The following TRPM8 variants were observed in gnomAD, a reference collection of about 807,000 sequenced individuals.
The protein encoded by TRPM8 is TRPM8 cationic channel.
A neutral mutation model predicts 133.7 loss-of-function variants in TRPM8; 110 were observed. The observed-to-expected ratio is 0.82, with a 90% CI of 0.70 to 0.96. The LOEUF (loss-of-function observed/expected upper bound fraction) is 0.96, where lower values mean the gene tolerates loss of function less well. Among genes scored for constraint, TRPM8 ranks in the 40% least tolerant of loss-of-function variants. TRPM8 has a pLI of 0.00. For synonymous variants in TRPM8, 535 were observed against 532.3 expected, an observed-to-expected ratio of 1.01 and a Z score of -0.07; for missense variants, 1,291 against 1,379.5, an observed-to-expected ratio of 0.94 and a Z score of 1.02.
intron 21 of TRPM8, among the ~76,000 whole-genome samples, chr2:233,990,323 A>C (rs1692243747): frequency 6.6e-6 from 1 of 152,240 alleles, no homozygotes; most frequent in Non-Finnish European, 1.5e-5. Flanking sequence ...AAAAGCAAGC[A>C]AGAGAGTTGA....
intron 1 of TRPM8, among the ~76,000 whole-genome samples, chr2:233,918,071 A>G (rs757817830): frequency 5.3e-5 from 8 of 152,122 alleles, no homozygotes; most frequent in Non-Finnish European, 1.2e-4. Context: ...TTTTCAATCC[A>G]TTATTGCCAG....
At position 233,939,156 on chromosome 2, in the gene TRPM8, C is replaced by T. The variant is rs200694610; in HGVS notation, c.507C>T (p.Ile169=). 1.8e-4 allele frequency: 285 copies of T among 1,613,978 alleles called. No homozygotes were observed. Among genetic ancestry groups the T allele is most frequent in the Non-Finnish European group, 2.3e-4 (272 of 1,180,054 alleles). ...PRMRKIFSRL[I]YIAQSKGAWI... ...TGCGCAAGATCTTCAGCCGGCTCAT[C>T]TACATCGCGCAGTCCAAAGGTGAGG... Residue 169 remains isoleucine, a synonymous_variant, in exon 5 of 26, where the codon ATC becomes ATT. Transcript: ENST00000324695.
intron 21 of TRPM8, 48 bp downstream of exon 21, chr2:233,985,913 C>T (rs1692138482): frequency 6.5e-7 from 1 of 1,545,094 alleles, no homozygotes; most frequent in South Asian, 1.2e-5. Flanking sequence ...GGGCCAAGCC[C>T]CATGCCAGGC....
At chr2:233,917,980 G>A (rs73118753) in intron 1 of TRPM8, among the ~76,000 whole-genome samples, 1 of 152,170 alleles carries the variant, frequency 6.6e-6, no homozygotes, top group South Asian at 2.1e-4. Flanking sequence ...GTTGAAACAG[G>A]CTCATCATTT....
At chr2:233,957,508 A>AC (rs1452889084) in intron 11 of TRPM8, among the ~76,000 whole-genome samples, 2 of 151,854 alleles carry the variant, frequency 1.3e-5, no homozygotes, top group African/African-American at 4.8e-5. Flanking sequence ...AAACACACAC[A>AC]AAAAAAACCC....
intron 8 of TRPM8, among the ~76,000 whole-genome samples, chr2:233,949,168 C>G (rs899450857): frequency 6.6e-6 from 1 of 152,230 alleles, no homozygotes; most frequent in South Asian, 2.1e-4. Context: ...GGATCCCGGC[C>G]TGCTCTGTGA....
chr2:233,936,213 A>G (rs997233300), intron 3 of TRPM8, among the ~76,000 whole-genome samples: 4 of 152,322 alleles, frequency 2.6e-5, no homozygotes, highest in African/African-American at 9.6e-5. Context: ...ACTTAAAGGC[A>G]GGAAGGACAT....
At chr2:233,982,938 C>A (rs1463652826) in intron 19 of TRPM8, 115 bp from the exon 20 acceptor site, 5 of 1,155,436 alleles carry the variant, frequency 4.3e-6, no homozygotes, top group Non-Finnish European at 6.2e-6. Flanking sequence ...GACTTAGATG[C>A]TCTGAGCCCT....
rs1392288879 is a variant in TRPM8 at position 233,954,041 on chromosome 2, T to A, written c.1243+22T>A. 3 of 1,541,418 alleles carry A rather than the reference T, an allele frequency of 1.9e-6. No individual in the cohort carries two copies. In the East Asian group the frequency reaches 6.8e-5, roughly 35 times the overall value. ...AAAGGTGAGTAAAAATAGCTCCTTT[T>A]GAAGTGTCAGCTTTGTGTTGCCTTC... On this transcript the variant is annotated intron_variant, in intron 10 of 25. Transcript: ENST00000324695.
chr2:233,935,874 T>C (rs1459413999), intron 3 of TRPM8, among the ~76,000 whole-genome samples: 1 of 152,198 alleles, frequency 6.6e-6, no homozygotes, highest in Non-Finnish European at 1.5e-5. Context: ...GTTGTTCCTG[T>C]CTTTGGAGAC....
intron 20 of TRPM8, among the ~76,000 whole-genome samples, chr2:233,983,813 A>T (rs1692074907): frequency 6.6e-6 from 1 of 152,084 alleles, no homozygotes. Flanking sequence ...GTCATTTCCT[A>T]CCCTACCACG....
Position 233,950,003 on chromosome 2 carries a change from G to T in TRPM8, c.997G>T (p.Gly333Cys), listed in dbSNP as rs1691134985. The stretch of plus-strand genomic sequence containing the variant: ...TCCTTGTGTGGTGGTGGAAGGCTCG[G>T]GCCAGATCGCTGATGTGATCGCTAG... ...KIPCVVVEGS[G>C]QIADVIASLV... Residue 333 changes from glycine (G) to cysteine (C), a missense_variant, in exon 9 of 26, where the codon GGC becomes TGC. Around this residue, in one of 2 missense-constraint regions of TRPM8, gnomAD observed 963 missense variants for 968.9 expected, o/e 0.99. Coordinates refer to ENST00000324695, the MANE Select transcript of TRPM8 (RefSeq NM_024080.5). The T allele has an allele frequency of 6.2e-7, 1 of 1,614,044 alleles. No individual in the cohort carries two copies. The highest frequency in any genetic ancestry group is 8.5e-7 in the Non-Finnish European group (1 of 1,180,036).
At chr2:233,959,361 CTG>C (rs1691375401) in intron 11 of TRPM8, among the ~76,000 whole-genome samples, 2 of 128,076 alleles carry the variant, frequency 1.6e-5, no homozygotes. Flanking sequence ...GAGTCTCACT[CTG>C]TCACCCAAGC....
chr2:233,933,248 T>C (rs997033323), intron 3 of TRPM8, among the ~76,000 whole-genome samples: 6 of 152,182 alleles, frequency 3.9e-5, no homozygotes, highest in African/African-American at 1.4e-4. Flanking sequence ...GGTGGAAATA[T>C]TCTATGTCCG....
chr2:233,980,319 G>C, intron 18 of TRPM8, 40 bp downstream of exon 18: 1 of 1,387,944 alleles, frequency 7.2e-7, no homozygotes, highest in African/African-American at 1.5e-5. Context: ...TCTGTGTTTT[G>C]ACTACAAAAG....
chr2:233,996,240 G>A, intron 21 of TRPM8, 86 bp from the exon 22 acceptor site: 1 of 1,262,552 alleles, frequency 7.9e-7, no homozygotes, highest in Non-Finnish European at 1.1e-6. Flanking sequence ...TGCAGTAATA[G>A]CTTAATACCA....
At chr2:233,930,853 T>C in intron 3 of TRPM8, 112 bp downstream of exon 3, 1 of 690,858 alleles carries the variant, frequency 1.4e-6, no homozygotes, top group Non-Finnish European at 2.5e-6. Flanking sequence ...CTTCGTCTTA[T>C]AATTCTCAGA....
At chr2:233,996,600 A>G in intron 22 of TRPM8, 84 bp downstream of exon 22, 2 of 1,268,876 alleles carry the variant, frequency 1.6e-6, no homozygotes, top group Non-Finnish European at 2.3e-6. Flanking sequence ...CTCAACAGGA[A>G]GGAATTATTC....
chr2:233,986,236 G>A (rs1197297874), intron 21 of TRPM8, among the ~76,000 whole-genome samples: 1 of 152,138 alleles, frequency 6.6e-6, no homozygotes, highest in African/African-American at 2.4e-5. Context: ...GGGGCTCAGT[G>A]GTATGGATTC....
Sources: allele counts gnomAD v4.1 joint callset (sites outside exome capture counted in the v4.1 genomes callset), GRCh38; gene constraint gnomAD v4.1.1; regional missense constraint gnomAD v4.1.1; transcripts MANE v1.5; gene names NCBI Gene and HGNC (gene_info 2026-07-23, HGNC 2026-07-21).